Variants in DNAH5 observed in about 807,000 individuals in gnomAD.
DNAH5 encodes the protein dynein axonemal heavy chain 5.
In DNAH5, 372 loss-of-function variants were observed where a neutral mutation model predicts 518.2. The ratio of observed to expected loss-of-function variants is 0.72; its 90% CI spans 0.66 to 0.78. DNAH5 has a LOEUF of 0.78. DNAH5 is among the 30% of genes least tolerant of loss of function. The pLI is 0.00. For synonymous variants in DNAH5, 2,039 were observed against 2,025.9 expected (o/e 1.01, Z -0.17); for missense variants, 5,523 against 5,687.0 (o/e 0.97, Z 0.93).
At chr5:13,929,084 G>T (rs912407230) in intron 2 of DNAH5, among the ~76,000 whole-genome samples, 1 of 152,194 alleles carries the variant, frequency 6.6e-6, no homozygotes, top group African/African-American at 2.4e-5. Context: ...TTCCACAAAA[G>T]ATGAAAGTGA....
chr5:13,932,329 A>G (rs923089272), intron 1 of DNAH5: 1 of 152,134 alleles, frequency 6.6e-6, no homozygotes, highest in Non-Finnish European at 1.5e-5. Context: ...AGGGTCTCCC[A>G]CTCTAGCCTG....
intron 1 of DNAH5, among the ~76,000 whole-genome samples, chr5:13,958,859 T>G (rs994374978): frequency 1.3e-5 from 2 of 152,180 alleles, no homozygotes; most frequent in Admixed American, 6.5e-5. Flanking sequence ...ACACAAAACC[T>G]TAATGCATTT....
intron 68 of DNAH5, among the ~76,000 whole-genome samples, chr5:13,731,697 T>A (rs760592263): frequency 1.3e-5 from 2 of 152,230 alleles, no homozygotes; most frequent in Non-Finnish European, 2.9e-5. Context: ...ACCGTAATAC[T>A]TTGTGAAAAT....
intron 9 of DNAH5, among the ~76,000 whole-genome samples, chr5:13,915,236 A>G (rs1776519171): frequency 6.6e-6 from 1 of 152,112 alleles, no homozygotes; most frequent in African/African-American, 2.4e-5. Context: ...CCCAGGATTT[A>G]CAGTGCAAGG....
chr5:13,796,275 TG>T (rs1215065504), intron 47 of DNAH5, among the ~76,000 whole-genome samples: 2 of 152,212 alleles, frequency 1.3e-5, no homozygotes. Flanking sequence ...TGTTTGCAGA[TG>T]ACATGGTTGT....
At chr5:13,734,169 T>G (rs769841437) in intron 68 of DNAH5, among the ~76,000 whole-genome samples, 2 of 152,146 alleles carry the variant, frequency 1.3e-5, no homozygotes, top group African/African-American at 2.4e-5. Flanking sequence ...TCCTCTTCTC[T>G]GCTCCCCAGC....
intron 1 of DNAH5, among the ~76,000 whole-genome samples, chr5:13,983,106 G>A (rs1782803295): frequency 6.6e-6 from 1 of 152,210 alleles, no homozygotes; most frequent in African/African-American, 2.4e-5. Flanking sequence ...TAGGAATCTG[G>A]ATTTTTCTGA....
chr5:13,998,870 T>C (rs951315788), intron 1 of DNAH5, among the ~76,000 whole-genome samples: 1 of 152,146 alleles, frequency 6.6e-6, no homozygotes, highest in African/African-American at 2.4e-5. Context: ...CCCATGGCCA[T>C]TGATTACTTC....
chr5:13,762,680 T>C (rs370285357), intron 60 of DNAH5, 42 bp downstream of exon 60: 69 of 1,594,316 alleles, frequency 4.3e-5, no homozygotes, highest in Non-Finnish European at 5.8e-5. Flanking sequence ...ACCTGGAGAC[T>C]CCGCCCAGCC....
chr5:14,008,180 A>T (rs1784861197), intron 1 of DNAH5, among the ~76,000 whole-genome samples: 1 of 151,518 alleles, frequency 6.6e-6, no homozygotes, highest in Non-Finnish European at 1.5e-5. Flanking sequence ...TTAGAAAAAA[A>T]AAAAAAGAAA....
rs1186658447 is a variant in DNAH5 at position 13,810,191 on chromosome 5, C to T, written c.7477G>A (p.Gly2493Arg). 6.5e-7 allele frequency: 1 copy of T among 1,549,594 alleles called. No homozygotes were observed. The highest frequency in any genetic ancestry group is 1.4e-5 in the African/African-American group (1 of 73,142). The part of the protein sequence containing the change: ...LFVFALLWSA[G>R]AALELDGRRR... ...CGTCCGTCCAGCTCCAGCGCCGCCC[C>T]CGCGCTCCACAGCAGCGCGAACACG... Residue 2493 changes from glycine (G) to arginine (R), a missense_variant, in exon 45 of 79, where the codon GGG becomes AGG. Coordinates refer to ENST00000265104, the MANE Select transcript of DNAH5 (RefSeq NM_001369.3).
At chr5:13,934,287 C>T (rs986940482) in intron 1 of DNAH5, among the ~76,000 whole-genome samples, 1 of 152,146 alleles carries the variant, frequency 6.6e-6, no homozygotes, top group African/African-American at 2.4e-5. Flanking sequence ...GATGTTCCAA[C>T]CTAAGTTTCC....
chr5:13,880,948 C>G (rs908387060), intron 21 of DNAH5, among the ~76,000 whole-genome samples: 10 of 151,812 alleles, frequency 6.6e-5, no homozygotes, highest in African/African-American at 1.5e-4. Flanking sequence ...AGACTCATTC[C>G]ACCTTAAAGT....
chr5:13,832,086 T>G (rs1763748450), intron 35 of DNAH5, among the ~76,000 whole-genome samples: 1 of 151,664 alleles, frequency 6.6e-6, no homozygotes, highest in African/African-American at 2.4e-5. Flanking sequence ...ATAACAAACC[T>G]CTATGACACA....
In DNAH5 at chr5:13,913,804, G is replaced by A. The variant is rs189145014; in HGVS notation, c.1475C>T (p.Thr492Met). ...TGTGGAATCTTGCAGGACTGAATAC[G>A]TCTTGAGGGTTGTAAAGATGTCTAT... Reference protein sequence around the residue: ...KIIDIFTTLKTYSVLQDSTIE... With the variant: ...KIIDIFTTLKMYSVLQDSTIE... The change falls in exon 11 of 79, where the codon ACG becomes ATG. Residue 492 changes from threonine to methionine, a missense_variant. Thr to Met is a moderately conservative substitution (Grantham distance 81). This residue lies in a region of DNAH5 where 5,121 missense variants were observed against 5,223.3 expected (regional missense o/e 0.98). Coordinates refer to ENST00000265104, the MANE Select transcript of DNAH5 (RefSeq NM_001369.3). The A allele has an allele frequency of 8.1e-6, 13 of 1,613,466 alleles. No individual in the cohort carries two copies. The highest frequency in any genetic ancestry group is 3.3e-5 in the South Asian group (3 of 91,074).
chr5:13,770,621 C>T (rs944049882), intron 56 of DNAH5, 128 bp downstream of exon 56: 20 of 826,690 alleles, frequency 2.4e-5, no homozygotes, highest in Non-Finnish European at 3.8e-5. Flanking sequence ...TACCCCTTCC[C>T]TGCCCTGCCG....
At chr5:13,811,852 G>T in intron 43 of DNAH5, 29 bp from the exon 44 acceptor site, 1 of 1,611,782 alleles carries the variant, frequency 6.2e-7, no homozygotes, top group South Asian at 1.1e-5. Flanking sequence ...GTGTATTCAT[G>T]AAACTTATTA....
rs1755001880 is a variant in DNAH5 at position 13,780,858 on chromosome 5, G to A, written c.8922C>T (p.Gly2974=). The A allele has an allele frequency of 6.2e-7, 1 of 1,613,610 alleles. No individual in the cohort carries two copies. The highest frequency in any genetic ancestry group is 1.3e-5 in the African/African-American group (1 of 74,880). Residue 2974 remains glycine (G), a synonymous_variant, in exon 53 of 79, where the codon GGC becomes GGT. Coordinates refer to ENST00000265104, the MANE Select transcript of DNAH5 (RefSeq NM_001369.3). ...SLTRLASFIA[G]YVSFQITLTR... ...TCAGAGTGATCTGGAAGGAAACGTA[G>A]CCAGCAATGAATGAAGCCAACCTCG...
chr5:13,872,107 G>C (rs973459290), intron 22 of DNAH5, among the ~76,000 whole-genome samples: 1 of 152,106 alleles, frequency 6.6e-6, no homozygotes, highest in Non-Finnish European at 1.5e-5. Context: ...TACAGGGAAG[G>C]TGCTATGAAA....
Sources: gnomAD v4.1 joint callset for allele counts (sites outside exome capture counted in the v4.1 genomes callset) on GRCh38, gnomAD v4.1.1 for gene constraint, gnomAD v4.1.1 regional missense constraint, MANE v1.5 for transcripts, NCBI Gene and HGNC (gene_info 2026-07-23, HGNC 2026-07-21) for gene names.